The following RABGAP1 variants were observed in gnomAD, a reference collection of about 807,000 sequenced individuals.
RABGAP1 encodes the protein RAB GTPase activating protein 1.
A neutral mutation model predicts 137.6 loss-of-function variants in RABGAP1; 23 were observed. The ratio of observed to expected loss-of-function variants is 0.17; its 90% CI spans 0.12 to 0.24. RABGAP1 has a LOEUF of 0.24. RABGAP1 is among the 10% of genes least tolerant of loss of function. The pLI is 1.00. For missense variants in RABGAP1, 906 were observed against 1,275.8 expected, an observed-to-expected ratio of 0.71 and a Z score of 4.42; for synonymous variants, 451 against 450.7, an observed-to-expected ratio of 1.00 and a Z score of -0.01.
chr9:123,017,956 G>A (rs2031352857), intron 12 of RABGAP1, among the ~76,000 whole-genome samples: 2 of 152,190 alleles, frequency 1.3e-5, no homozygotes. Context: ...TTTAGTGGTA[G>A]TATTAATAGT....
rs1554734427 is a variant in RABGAP1, at chr9:123,103,999, G to GTCTGTA, written c.*787_*788insCTGTAT. On this transcript the variant is annotated 3_prime_UTR_variant, in exon 26 of 26. Coordinates refer to ENST00000373647, the MANE Select transcript of RABGAP1 (RefSeq NM_012197.4). ...TGTGTGTGTGTGTGTGTGTGTGTATGTATATATATATATAAATATCTTTCC... is the reference window on the plus strand; with the variant it reads ...TGTGTGTGTGTGTGTGTGTGTGTATGTCTGTATATATATATATATAAATATCTTTCC... The GTCTGTA allele has an allele frequency of 8.3e-6, 1 of 120,064 alleles. No individual in the cohort carries two copies. Among genetic ancestry groups the GTCTGTA allele is most frequent in the Non-Finnish European group, 2.0e-5 (1 of 50,780 alleles). The allele number at this position is 120,064 out of a possible 1,614,324, so 7.4% of individuals were successfully genotyped here.
At chr9:123,025,562 C>G (rs1260196984) in intron 13 of RABGAP1, among the ~76,000 whole-genome samples, 1 of 17,684 alleles carries the variant, frequency 5.7e-5, no homozygotes, top group East Asian at 5.1e-4. Context: ...TTTTTTTTTG[C>G]CTTCAAGAAT....
intron 1 of RABGAP1, among the ~76,000 whole-genome samples, 173 bp downstream of exon 1, chr9:122,941,266 G>C (rs565734102): frequency 7.2e-5 from 11 of 152,274 alleles, no homozygotes; most frequent in African/African-American, 1.2e-4. Context: ...GCCGTGATTG[G>C]GGGGAGGGGG....
intron 13 of RABGAP1, among the ~76,000 whole-genome samples, chr9:123,060,385 T>G (rs1046459830): frequency 1.3e-5 from 2 of 152,236 alleles, no homozygotes; most frequent in Non-Finnish European, 1.5e-5. Flanking sequence ...TGTTGTTTCA[T>G]GTATTAGAGG....
At chr9:123,099,866 C>A (rs568966843) in intron 24 of RABGAP1, among the ~76,000 whole-genome samples, 1 of 152,322 alleles carries the variant, frequency 6.6e-6, no homozygotes, top group South Asian at 2.1e-4. Context: ...ATAGGTCTTG[C>A]TTGAGGTGGT....
intron 1 of RABGAP1, among the ~76,000 whole-genome samples, chr9:122,942,837 C>G (rs1260313967): frequency 2.0e-5 from 3 of 151,786 alleles, no homozygotes; most frequent in Admixed American, 2.0e-4. Context: ...GATATTAACT[C>G]AGATTCATAA....
At chr9:123,023,973 A>C (rs567716395) in intron 13 of RABGAP1, among the ~76,000 whole-genome samples, 6 of 152,180 alleles carry the variant, frequency 3.9e-5, no homozygotes, top group Non-Finnish European at 5.9e-5. Context: ...CCTGGCAAAC[A>C]AAACTGATTA....
At chr9:123,020,241 T>C in intron 12 of RABGAP1, 68 bp from the exon 13 acceptor site, 1 of 1,305,810 alleles carries the variant, frequency 7.7e-7, no homozygotes, top group Non-Finnish European at 1.0e-6. Flanking sequence ...TTGACTTTGA[T>C]AAAAGTAACA....
At chr9:123,008,115 C>G (rs928576664) in intron 10 of RABGAP1, among the ~76,000 whole-genome samples, 2 of 152,018 alleles carry the variant, frequency 1.3e-5, no homozygotes, top group African/African-American at 4.8e-5. Context: ...CAACAATTAA[C>G]ATTTTTCATA....
intron 2 of RABGAP1, among the ~76,000 whole-genome samples, chr9:122,960,924 T>C (rs1421681574): frequency 6.6e-6 from 1 of 152,122 alleles, no homozygotes; most frequent in Non-Finnish European, 1.5e-5. Flanking sequence ...ACATTTCAAC[T>C]GGCAAAAGAA....
intron 11 of RABGAP1, among the ~76,000 whole-genome samples, chr9:123,011,084 G>T (rs2030765037): frequency 6.6e-6 from 1 of 151,646 alleles, no homozygotes; most frequent in African/African-American, 2.4e-5. Flanking sequence ...TTTTAATGAG[G>T]CATGAAGGAA....
Position 123,090,400 on chromosome 9 carries a change from T to A in RABGAP1, c.2628+15T>A, listed in dbSNP as rs1361715695. Reference sequence around the variant, plus strand: ...ACCTGGATAACGTAAGTCCAACGGGTCTGAAGGGAAAGATCTCACTGAGAC... The same window carrying A: ...ACCTGGATAACGTAAGTCCAACGGGACTGAAGGGAAAGATCTCACTGAGAC... On this transcript the variant is annotated intron_variant, in intron 21 of 25. Transcript: ENST00000373647. 6.4e-7 allele frequency: 1 copy of A among 1,573,060 alleles called. No homozygotes were observed. Among genetic ancestry groups the A allele is most frequent in the East Asian group, 2.2e-5 (1 of 44,484 alleles).
At chr9:122,992,006 C>G (rs908402221) in intron 6 of RABGAP1, among the ~76,000 whole-genome samples, 1 of 151,996 alleles carries the variant, frequency 6.6e-6, no homozygotes, top group Non-Finnish European at 1.5e-5. Context: ...TAGTTTTTTA[C>G]CTTGTTAAGC....
intron 13 of RABGAP1, among the ~76,000 whole-genome samples, chr9:123,050,607 T>C (rs562512106): frequency 2.7e-4 from 41 of 152,374 alleles, no homozygotes; most frequent in African/African-American, 7.2e-4. Flanking sequence ...TTTTGTATTG[T>C]CAGTGTTAAG....
intron 10 of RABGAP1, among the ~76,000 whole-genome samples, chr9:123,009,277 G>T (rs955366424): frequency 1.3e-5 from 2 of 152,182 alleles, no homozygotes; most frequent in Non-Finnish European, 2.9e-5. Context: ...GTATTAAACA[G>T]TGCTTCAAGA....
chr9:123,012,362 C>T (rs1004336753), intron 11 of RABGAP1, among the ~76,000 whole-genome samples: 2 of 152,138 alleles, frequency 1.3e-5, no homozygotes, highest in Non-Finnish European at 2.9e-5. Context: ...TCTTAACACT[C>T]AGCGATAAAA....
chr9:123,096,290 A>C (rs1186944261), intron 21 of RABGAP1, among the ~76,000 whole-genome samples: 1 of 152,214 alleles, frequency 6.6e-6, no homozygotes, highest in African/African-American at 2.4e-5. Context: ...AAAGAGGGAC[A>C]TTTCATAATG....
At chr9:122,953,942 A>G (rs1182813239) in intron 1 of RABGAP1, among the ~76,000 whole-genome samples, 3 of 152,220 alleles carry the variant, frequency 2.0e-5, no homozygotes, top group Admixed American at 6.5e-5. Flanking sequence ...GACATAAAAA[A>G]GCCTGCCCTC....
At chr9:123,101,449 A>T (rs935066434) in intron 24 of RABGAP1, 117 bp from the exon 25 acceptor site, 9 of 972,940 alleles carry the variant, frequency 9.3e-6, no homozygotes. Flanking sequence ...AGGTTTTCAG[A>T]AACTGTAGTG....
Sources: allele counts gnomAD v4.1 joint callset (sites outside exome capture counted in the v4.1 genomes callset), GRCh38; gene constraint gnomAD v4.1.1; transcripts MANE v1.5; gene names NCBI Gene and HGNC (gene_info 2026-07-23, HGNC 2026-07-21).